ARMC8: variants seen among roughly 807,000 people sequenced by gnomAD.
ARMC8 encodes the protein armadillo repeat containing 8.
ARMC8 carries 20 observed loss-of-function variants against 99.3 expected under a neutral mutation model. The ratio of observed to expected loss-of-function variants is 0.20; its 90% CI spans 0.14 to 0.29. The LOEUF is 0.29. ARMC8 is among the 10% of genes least tolerant of loss of function. The pLI, the probability that ARMC8 is intolerant of heterozygous loss-of-function variation, is 1.00. For missense variants in ARMC8, 569 were observed against 809.5 expected, an observed-to-expected ratio of 0.70 and a Z score of 3.60; for synonymous variants, 263 against 278.3, an observed-to-expected ratio of 0.95 and a Z score of 0.55.
chr3:138,288,994 T>A, intron 19 of ARMC8, 54 bp from the exon 20 acceptor site: 1 of 1,489,460 alleles, frequency 6.7e-7, no homozygotes, highest in Non-Finnish European at 9.2e-7. Flanking sequence ...CAAAAAAAAA[T>A]CTAAAATGAG....
chr3:138,241,727 A>C (rs1359295438), intron 10 of ARMC8, 56 bp from the exon 11 acceptor site: 3 of 1,467,478 alleles, frequency 2.0e-6, no homozygotes. Flanking sequence ...CAGTCACTAT[A>C]TGCTTAAGCT....
chr3:138,282,635 CAAAAAAAAA>C (rs760470914), intron 18 of ARMC8, among the ~76,000 whole-genome samples: 1 of 47,512 alleles, frequency 2.1e-5, no homozygotes, highest in African/African-American at 7.0e-5. Flanking sequence ...GACTCCATCT[CAAAAAAAAA>C]AAAAAAAAAA....
intron 19 of ARMC8, among the ~76,000 whole-genome samples, chr3:138,287,418 G>T (rs1041698750): frequency 6.6e-6 from 1 of 152,036 alleles, no homozygotes; most frequent in African/African-American, 2.4e-5. Context: ...GATCTGTTTT[G>T]TGCATTCCAC....
At chr3:138,276,750 T>G (rs2049335751) in intron 18 of ARMC8, among the ~76,000 whole-genome samples, 2 of 151,976 alleles carry the variant, frequency 1.3e-5, no homozygotes, top group South Asian at 4.1e-4. Context: ...ACACTGATAA[T>G]GAAAGAAATC....
chr3:138,220,435 C>T (rs1387415912), intron 2 of ARMC8, among the ~76,000 whole-genome samples: 4 of 152,158 alleles, frequency 2.6e-5, no homozygotes, highest in African/African-American at 4.8e-5. Context: ...AAAAAAAGCC[C>T]TACCCTCAGG....
chr3:138,195,204 G>A (rs1281453437), intron 1 of ARMC8, among the ~76,000 whole-genome samples: 6 of 151,914 alleles, frequency 3.9e-5, no homozygotes, highest in Non-Finnish European at 8.8e-5. Context: ...CGTGAACCCG[G>A]GAAGTGGAGC....
chr3:138,290,181 CCTGGT>C lies in ARMC8; in HGVS notation c.1895-360_1895-356del, dbSNP rs140113258. 6.6e-4 allele frequency among the ~76,000 whole-genome samples: 101 copies of C among 152,210 alleles called. No homozygotes were observed. In the Middle Eastern group the frequency reaches 0.017, roughly 26 times the overall value. ...CCTGCTTAGAGTAGTAAGAGCCTGG[CCTGGT>C]CTGGCCAGGGCCATGGGTATGTCCT... On this transcript the variant is annotated intron_variant, in intron 20 of 21. Coordinates refer to ENST00000469044, the MANE Select transcript of ARMC8 (RefSeq NM_001363941.2).
intron 11 of ARMC8, among the ~76,000 whole-genome samples, chr3:138,244,165 C>T (rs2046767688): frequency 6.6e-6 from 1 of 152,150 alleles, no homozygotes; most frequent in Non-Finnish European, 1.5e-5. Flanking sequence ...CCATACCCAA[C>T]ATAAATCTCA....
rs746574934 is a variant in ARMC8 at position 138,295,847 on chromosome 3, T to G, written c.1989-12T>G. 3.7e-6 allele frequency: 6 copies of G among 1,613,408 alleles called. No homozygotes were observed. Among genetic ancestry groups the G allele is most frequent in the Non-Finnish European group, 5.1e-6 (6 of 1,179,674 alleles). ...TCTGAGATGATGGCTAACAGGAATT[T>G]TGTGATTTCAGGGCAAAGATGGCAC... On this transcript the variant is annotated splice_polypyrimidine_tract_variant and intron_variant, in intron 21 of 21. Transcript: ENST00000469044.
chr3:138,274,580 A>G (rs1286009884), intron 18 of ARMC8, 36 bp downstream of exon 18: 3 of 1,491,394 alleles, frequency 2.0e-6, no homozygotes, highest in Non-Finnish European at 2.8e-6. Context: ...ATATTTTCTG[A>G]ATGTGAGCAC....
rs2051508028 is a variant in ARMC8 at position 138,296,583 on chromosome 3, C to T, written c.*691C>T. ...AAAGAAAAAGTTGGCTATAGTTGGC[C>T]TGATTAACAGGCACTATACATGGTG... On this transcript the variant is annotated 3_prime_UTR_variant, in exon 22 of 22. Transcript: ENST00000469044. 1 of 152,002 alleles carries T rather than the reference C, an allele frequency of 6.6e-6. No homozygotes were observed. The highest frequency in any genetic ancestry group is 2.4e-5 in the African/African-American group (1 of 41,382). The allele number at this position is 152,002 out of a possible 1,614,324, so 9.4% of individuals were successfully genotyped here. A position where few individuals can be genotyped will look rare whatever the true frequency, so the allele number is the denominator to read the frequency against.
chr3:138,281,731 A>G (rs974027442), intron 18 of ARMC8, among the ~76,000 whole-genome samples: 2 of 152,114 alleles, frequency 1.3e-5, no homozygotes, highest in Admixed American at 1.3e-4. Context: ...AACACTACAA[A>G]AAGGGGAATT....
chr3:138,296,013 C>A lies in ARMC8; in HGVS notation c.*121C>A. 1 of 1,032,268 alleles carries A rather than the reference C, an allele frequency of 9.7e-7. No homozygotes were observed. Among genetic ancestry groups the A allele is most frequent in the East Asian group, 2.7e-5 (1 of 36,678 alleles). 63.9% of individuals were successfully genotyped at this position (1,032,268 alleles called of 1,614,324 possible). On this transcript the variant is annotated 3_prime_UTR_variant, in exon 22 of 22. Coordinates refer to ENST00000469044, the MANE Select transcript of ARMC8 (RefSeq NM_001363941.2). ...CCTTGGACTGCAGGGAGCTGTTTTGCAAAAGCAGTTTAGTAGGCTTAGATC... is the reference window on the plus strand; with the variant it reads ...CCTTGGACTGCAGGGAGCTGTTTTGAAAAAGCAGTTTAGTAGGCTTAGATC...
Position 138,284,341 on chromosome 3 carries a change from C to T in ARMC8, c.1726-90C>T, listed in dbSNP as rs2050204729. 3.4e-5 allele frequency: 31 copies of T among 911,914 alleles called. 1 individual carries two copies. In the South Asian group the frequency reaches 4.4e-4, roughly 13 times the overall value. The allele number at this position is 911,914 out of a possible 1,614,324, so 56.5% of individuals were successfully genotyped here. A position where few individuals can be genotyped will look rare whatever the true frequency, so the allele number is the denominator to read the frequency against. On this transcript the variant is annotated intron_variant, in intron 18 of 21. Coordinates refer to ENST00000469044, the MANE Select transcript of ARMC8 (RefSeq NM_001363941.2). Reference sequence around the variant, plus strand: ...GTGGAACCTGTGAGAATCCATGTACCTTCAAGTGAAAAATTGCCCAAGCTC... The same window carrying T: ...GTGGAACCTGTGAGAATCCATGTACTTTCAAGTGAAAAATTGCCCAAGCTC...
chr3:138,247,456 A>G (rs984860643), intron 12 of ARMC8, among the ~76,000 whole-genome samples: 6 of 152,332 alleles, frequency 3.9e-5, no homozygotes, highest in African/African-American at 7.2e-5. Context: ...CTCCCCCTCA[A>G]AAACCAACAA....
In ARMC8 at chr3:138,200,264, A is replaced by T. The variant is rs531031222; in HGVS notation, c.46-9553A>T. Among the ~76,000 whole-genome samples, 45 of 152,356 alleles carry T rather than the reference A, an allele frequency of 3.0e-4. No individual in the cohort carries two copies. In the Middle Eastern group the frequency reaches 0.017, roughly 58 times the overall value. On this transcript the variant is annotated intron_variant, in intron 1 of 21. Transcript: ENST00000469044. ...TAATTAAGTAACGGTATGTTTGTAA[A>T]TATACATAGTTTTGTTGTGAATGTG... is the stretch of plus-strand genomic sequence containing the variant.
intron 19 of ARMC8, among the ~76,000 whole-genome samples, chr3:138,286,556 T>G (rs1416110164): frequency 6.6e-6 from 1 of 152,206 alleles, no homozygotes; most frequent in East Asian, 1.9e-4. Context: ...CGTGCTCTCC[T>G]GAGATCAGCA....
At position 138,203,831 on chromosome 3, in the gene ARMC8, A is replaced by G. The variant is rs1298535763; in HGVS notation, c.46-5986A>G. 2.6e-5 allele frequency among the ~76,000 whole-genome samples: 4 copies of G among 152,160 alleles called. No homozygotes were observed. In the East Asian group the frequency reaches 5.8e-4, roughly 22 times the overall value. On this transcript the variant is annotated intron_variant, in intron 1 of 21. Coordinates refer to ENST00000469044, the MANE Select transcript of ARMC8 (RefSeq NM_001363941.2). ...TTGCTGTTTTTGTTTTCCTGAATAA[A>G]TTTACTTCAGACTTCTCCCCAGCTC...
At position 138,297,615 on chromosome 3, in the gene ARMC8, A is replaced by G. The variant is rs757352606; in HGVS notation, c.*1723A>G. ...TAATGCAATTTTTCCTGCTCTCAAC[A>G]TGACCACCCAAGATTCAAACACAGA... On this transcript the variant is annotated 3_prime_UTR_variant, in exon 22 of 22. Coordinates refer to ENST00000469044, the MANE Select transcript of ARMC8 (RefSeq NM_001363941.2). 1 of 152,252 alleles carries G rather than the reference A, an allele frequency of 6.6e-6. No homozygotes were observed. Among genetic ancestry groups the G allele is most frequent in the Non-Finnish European group, 1.5e-5 (1 of 68,050 alleles). 9.4% of individuals were successfully genotyped at this position (152,252 alleles called of 1,614,324 possible). A position where few individuals can be genotyped will look rare whatever the true frequency, so the allele number is the denominator to read the frequency against.
Sources: allele counts gnomAD v4.1 joint callset (sites outside exome capture counted in the v4.1 genomes callset), GRCh38; gene constraint gnomAD v4.1.1; transcripts MANE v1.5; gene names NCBI Gene and HGNC (gene_info 2026-07-23, HGNC 2026-07-21).